Variants in ITPRID2 observed in about 807,000 individuals in gnomAD.
ITPRID2 encodes the protein protein ITPRID2.
A neutral mutation model predicts 124.3 loss-of-function variants in ITPRID2; 60 were observed. That is an observed-to-expected ratio of 0.48 (90% CI 0.39 to 0.60). The LOEUF is 0.60. ITPRID2 is among the 20% of genes least tolerant of loss of function. ITPRID2 has a pLI of 0.00. For synonymous variants in ITPRID2, 521 were observed against 542.9 expected (o/e 0.96, Z 0.56); for missense variants, 1,553 against 1,512.2 (o/e 1.03, Z -0.45).
rs554424170 is a variant in ITPRID2 at position 181,901,864 on chromosome 2, A to G, written c.811A>G (p.Met271Val). Residue 271 changes from methionine (M) to valine (V), a missense_variant, in exon 8 of 18, where the codon ATG becomes GTG. Met to Val is a conservative substitution (Grantham distance 21). Coordinates refer to ENST00000431877, the MANE Select transcript of ITPRID2 (RefSeq NM_001130445.3). ...SGTPLQRIGS[M>V]SSVTSNKETD... ...GACGCCCCTGCAGAGAATTGGAAGT[A>G]TGTCCTCAGTGACCTCTAACAAGGA... 47 of 1,613,942 alleles carry G rather than the reference A, an allele frequency of 2.9e-5. No individual in the cohort carries two copies. Among genetic ancestry groups the G allele is most frequent in the South Asian group, 2.9e-4 (26 of 91,070 alleles).
Position 181,896,319 on chromosome 2 carries a change from A to T in ITPRID2, c.307+240A>T, listed in dbSNP as rs1025993109. Among the ~76,000 whole-genome samples, 1 of 152,066 alleles carries T rather than the reference A, an allele frequency of 6.6e-6. No homozygotes were observed. The highest frequency in any genetic ancestry group is 2.1e-4 in the South Asian group (1 of 4,838). ...TATCTTTATTGTCCAGTTAGGTATT[A>T]TAAAGACTAATTAAATATGAATATA... On this transcript the variant is annotated intron_variant, in intron 3 of 17. Coordinates refer to ENST00000431877, the MANE Select transcript of ITPRID2 (RefSeq NM_001130445.3). The surrounding 1 kb of genome is among the most constrained non-coding windows in gnomAD (Gnocchi z 4.3).
At chr2:181,908,657 G>A (rs1234998653) in intron 8 of ITPRID2, among the ~76,000 whole-genome samples, 4 of 152,126 alleles carry the variant, frequency 2.6e-5, no homozygotes, top group Admixed American at 2.6e-4. Context: ...CATAAACTTC[G>A]GTTCCTGGAG....
In ITPRID2 at chr2:181,907,445, GGT is replaced by G. The variant is rs1034295959; in HGVS notation, c.1414-2453_1414-2452del. Among the ~76,000 whole-genome samples, 2 of 55,350 alleles carry G rather than the reference GGT, an allele frequency of 3.6e-5. No individual in the cohort carries two copies. Among genetic ancestry groups the G allele is most frequent in the African/African-American group, 9.5e-5 (2 of 21,092 alleles). 36.3% of individuals were successfully genotyped at this position (55,350 alleles called of 152,430 possible). ...TGCAATTTTATCACTTTGGTTTAGT[GGT>G]TTTTTTTTTTTTTTATATTATGAAA... On this transcript the variant is annotated intron_variant, in intron 8 of 17. Transcript: ENST00000431877. This position sits in a 1 kb window ranked among gnomAD's most constrained non-coding sequence, Gnocchi z 5.1.
At position 181,915,910 on chromosome 2, in the gene ITPRID2, G is replaced by A. The variant is rs141383567; in HGVS notation, c.2270G>A (p.Arg757Gln). ...AGGGTTGTGTCCTCTGTCAATGTTC[G>A]ATTATCTCCAGGAAAAGAGACCAGA... ...PVRVVSSVNV[R>Q]LSPGKETRCS... Residue 757 changes from arginine (R) to glutamine (Q), a missense_variant, in exon 11 of 18, where the codon CGA becomes CAA. Transcript: ENST00000431877. 469 of 1,614,144 alleles carry A rather than the reference G, an allele frequency of 2.9e-4. No homozygotes were observed. The African/African-American group carries it at 4.3e-3, about 15-fold the overall frequency.
At position 181,916,432 on chromosome 2, in the gene ITPRID2, G is replaced by T; in HGVS notation, c.2787+5G>T. The T allele has an allele frequency of 6.2e-7, 1 of 1,608,222 alleles. No homozygotes were observed. Among genetic ancestry groups the T allele is most frequent in the South Asian group, 1.1e-5 (1 of 90,656 alleles). On this transcript the variant is annotated splice_donor_5th_base_variant and intron_variant, in intron 11 of 17. Coordinates refer to ENST00000431877, the MANE Select transcript of ITPRID2 (RefSeq NM_001130445.3). ...TCACTGCAGAATCTTTCACAGGTATGAGAAAAAGTATGTTATCATTAGCTT... is the reference window on the plus strand; with the variant it reads ...TCACTGCAGAATCTTTCACAGGTATTAGAAAAAGTATGTTATCATTAGCTT...
In ITPRID2 at chr2:181,915,969, C is replaced by T; in HGVS notation, c.2329C>T (p.Pro777Ser). The T allele has an allele frequency of 6.2e-7, 1 of 1,614,130 alleles. No individual in the cohort carries two copies. Among genetic ancestry groups the T allele is most frequent in the Non-Finnish European group, 8.5e-7 (1 of 1,180,034 alleles). The change falls in exon 11 of 18, where the codon CCT (proline) becomes TCT (serine). Residue 777 changes from proline (P) to serine (S), a missense_variant. Transcript: ENST00000431877. ...ACCTTCCTTCACCTATAAGTACACA[C>T]CTGAAGAGGAGCAGGAATTGGAAAA... is the stretch of plus-strand genomic sequence containing the variant. Reference protein sequence around the residue: ...SPPSFTYKYTPEEEQELEKRV... With the variant: ...SPPSFTYKYTSEEEQELEKRV...
chr2:181,909,858 T>G, intron 8 of ITPRID2, 41 bp from the exon 9 acceptor site: 1 of 1,483,002 alleles, frequency 6.7e-7, no homozygotes, highest in Non-Finnish European at 9.4e-7. Context: ...CTTGTTTGCC[T>G]TAGATTCATT....
At chr2:181,925,392 T>C (rs542400508) in intron 16 of ITPRID2, among the ~76,000 whole-genome samples, 2 of 152,296 alleles carry the variant, frequency 1.3e-5, no homozygotes, top group East Asian at 3.9e-4. Context: ...CCCAGGGTAG[T>C]TTCCTCACTT....
In ITPRID2 at chr2:181,896,994, G is replaced by A. The variant is rs1250977257; in HGVS notation, c.364+30G>A. 1 of 1,593,014 alleles carries A rather than the reference G, an allele frequency of 6.3e-7. No homozygotes were observed. Among genetic ancestry groups the A allele is most frequent in the Non-Finnish European group, 8.6e-7 (1 of 1,162,842 alleles). Reference sequence around the variant, plus strand: ...GTTTGTTTGGAAGAACTGTATTTTTGTGTAGTTTTCAAATTTAAAAAAAAT... The same window carrying A: ...GTTTGTTTGGAAGAACTGTATTTTTATGTAGTTTTCAAATTTAAAAAAAAT... On this transcript the variant is annotated intron_variant, in intron 4 of 17. Transcript: ENST00000431877. The surrounding 1 kb of genome is among the most constrained non-coding windows in gnomAD (Gnocchi z 4.3).
intron 8 of ITPRID2, among the ~76,000 whole-genome samples, chr2:181,909,570 A>C (rs1360958458): frequency 6.6e-6 from 1 of 152,232 alleles, no homozygotes; most frequent in Non-Finnish European, 1.5e-5. Context: ...GCTAGTTTGC[A>C]CACTTGACTA....
intron 8 of ITPRID2, among the ~76,000 whole-genome samples, 191 bp from the exon 9 acceptor site, chr2:181,909,708 A>G (rs1292188672): frequency 6.6e-6 from 1 of 152,162 alleles, no homozygotes; most frequent in East Asian, 1.9e-4. Context: ...TGTTAACTGG[A>G]AAATAGATCA....
intron 8 of ITPRID2, among the ~76,000 whole-genome samples, chr2:181,904,434 ACCT>A (rs1034683101): frequency 6.6e-6 from 1 of 152,076 alleles, no homozygotes. Flanking sequence ...ATGGATAAAA[ACCT>A]CCTGGAAGTG....
chr2:181,921,546 G>T (rs1694486079), intron 15 of ITPRID2, among the ~76,000 whole-genome samples: 1 of 152,086 alleles, frequency 6.6e-6, no homozygotes, highest in Non-Finnish European at 1.5e-5. Flanking sequence ...TTTGATCCTG[G>T]TTCTTTAGGT....
intron 10 of ITPRID2, 50 bp from the exon 11 acceptor site, chr2:181,915,166 G>A: frequency 6.4e-7 from 1 of 1,557,584 alleles, no homozygotes; most frequent in South Asian, 1.2e-5. Flanking sequence ...TTTTGTTAGT[G>A]ACTCTTCTTA....
At chr2:181,916,786 C>G (rs1694092520) in intron 11 of ITPRID2, 321 of 900,910 alleles carry the variant, frequency 3.6e-4, no homozygotes, top group Middle Eastern at 5.6e-4. Flanking sequence ...AAAGTTCTTT[C>G]TCTCTTTCTC....
intron 15 of ITPRID2, among the ~76,000 whole-genome samples, chr2:181,921,442 C>A (rs1483460043): frequency 1.3e-5 from 2 of 151,822 alleles, no homozygotes; most frequent in African/African-American, 4.8e-5. Flanking sequence ...CAAGCCATTG[C>A]ACTCCAGCCT....
rs763340011 is a variant in ITPRID2 at position 181,902,081 on chromosome 2, C to G, written c.1028C>G (p.Ser343Cys). ...EESGNKNDQK[S>C]QKIMKKKESS... ...AGTGGCAATAAAAACGATCAAAAGTCTCAAAAAATTATGAAGAAGAAAGAG... is the reference window on the plus strand; with the variant it reads ...AGTGGCAATAAAAACGATCAAAAGTGTCAAAAAATTATGAAGAAGAAAGAG... Residue 343 changes from serine to cysteine, a missense_variant, in exon 8 of 18, where the codon TCT becomes TGT. By Grantham distance (112) the Ser-to-Cys change is moderately radical. Transcript: ENST00000431877. This position sits in a 1 kb window ranked among gnomAD's most constrained non-coding sequence, Gnocchi z 4.4. 4.3e-6 allele frequency: 7 copies of G among 1,610,166 alleles called. No individual in the cohort carries two copies. The highest frequency in any genetic ancestry group is 4.5e-5 in the East Asian group (2 of 44,858).
intron 8 of ITPRID2, among the ~76,000 whole-genome samples, chr2:181,906,840 C>G (rs562924071): frequency 1.2e-4 from 18 of 152,222 alleles, no homozygotes; most frequent in Non-Finnish European, 1.5e-4. Flanking sequence ...ATTCACGTTA[C>G]TTGTGACTAT....
At chr2:181,898,172 T>C (rs1692365140) in intron 4 of ITPRID2, among the ~76,000 whole-genome samples, 1 of 152,026 alleles carries the variant, frequency 6.6e-6, no homozygotes, top group Admixed American at 6.6e-5. Context: ...TTCTGGTGGA[T>C]GTACAAAGAA....
Sources: allele counts gnomAD v4.1 joint callset (sites outside exome capture counted in the v4.1 genomes callset), GRCh38; gene constraint gnomAD v4.1.1; non-coding constraint Gnocchi (gnomAD v3.1); transcripts MANE v1.5; gene names NCBI Gene and HGNC (gene_info 2026-07-23, HGNC 2026-07-21).